Variants in TTC7B observed in about 807,000 individuals in gnomAD.
TTC7B encodes tetratricopeptide repeat protein 7B.
TTC7B carries 28 observed loss-of-function variants against 106.8 expected under a neutral mutation model. That is an observed-to-expected ratio of 0.26 (90% CI 0.19 to 0.36). The LOEUF (loss-of-function observed/expected upper bound fraction) is 0.36. TTC7B is among the 10% of genes least tolerant of loss of function. The pLI, the probability that TTC7B is intolerant of heterozygous loss-of-function variation, is 1.00. For synonymous variants in TTC7B, 405 were observed against 430.6 expected (o/e 0.94, Z 0.74); for missense variants, 862 against 1,076.4 (o/e 0.80, Z 2.79).
intron 17 of TTC7B, among the ~76,000 whole-genome samples, chr14:90,596,639 G>A (rs371344175): frequency 1.3e-5 from 2 of 152,180 alleles, no homozygotes; most frequent in African/African-American, 4.8e-5. Context: ...CCTACAATAA[G>A]TGAGACTCTC....
chr14:90,737,767 C>T (rs1333007390), intron 4 of TTC7B, among the ~76,000 whole-genome samples: 1 of 152,032 alleles, frequency 6.6e-6, no homozygotes, highest in Non-Finnish European at 1.5e-5. Flanking sequence ...CCATATTGGC[C>T]AGGCTGGTCT....
chr14:90,622,712 G>A (rs1884260838), intron 15 of TTC7B, among the ~76,000 whole-genome samples: 1 of 152,148 alleles, frequency 6.6e-6, no homozygotes, highest in Admixed American at 6.5e-5. Context: ...TAGCCTGGGT[G>A]AAAGAGTGAG....
intron 3 of TTC7B, among the ~76,000 whole-genome samples, chr14:90,749,065 G>A (rs780317398): frequency 1.3e-5 from 2 of 152,136 alleles, no homozygotes; most frequent in Non-Finnish European, 2.9e-5. Flanking sequence ...CTGCTTCACC[G>A]TATTCTCACT....
At chr14:90,737,027 T>C (rs1889561073) in intron 4 of TTC7B, among the ~76,000 whole-genome samples, 1 of 150,778 alleles carries the variant, frequency 6.6e-6, no homozygotes, top group African/African-American at 2.4e-5. Flanking sequence ...AAATAAAATA[T>C]AATTAAAAAG....
At chr14:90,790,618 C>A (rs1891554748) in intron 1 of TTC7B, among the ~76,000 whole-genome samples, 1 of 152,022 alleles carries the variant, frequency 6.6e-6, no homozygotes, top group African/African-American at 2.4e-5. Context: ...CGCCTCCCTG[C>A]CACAGGGACC....
intron 1 of TTC7B, among the ~76,000 whole-genome samples, chr14:90,794,094 G>A (rs887152305): frequency 6.6e-6 from 1 of 151,678 alleles, no homozygotes; most frequent in East Asian, 1.9e-4. Flanking sequence ...GTAGAGACAG[G>A]GTTTCACCAT....
intron 15 of TTC7B, among the ~76,000 whole-genome samples, chr14:90,618,494 G>C (rs151110142): frequency 6.6e-6 from 1 of 152,160 alleles, no homozygotes; most frequent in African/African-American, 2.4e-5. Flanking sequence ...TGTGAGCTTC[G>C]AAAGCCTGAA....
chr14:90,557,291 G>A (rs1345212712), intron 19 of TTC7B, among the ~76,000 whole-genome samples: 1 of 152,202 alleles, frequency 6.6e-6, no homozygotes, highest in African/African-American at 2.4e-5. Context: ...CCCCCTGCAG[G>A]AGAGCAGGGC....
rs55829726 is a variant in TTC7B, at chr14:90,803,810, T to TCA, written c.121+12363_121+12364dup. Among the ~76,000 whole-genome samples the TCA allele has an allele frequency of 5.6e-3, 840 of 150,096 alleles. 7 individuals are homozygous for TCA. Among genetic ancestry groups the TCA allele is most frequent in the South Asian group, 0.017 (79 of 4,714 alleles). On this transcript the variant is annotated intron_variant, in intron 1 of 19. Coordinates refer to ENST00000328459, the MANE Select transcript of TTC7B (RefSeq NM_001010854.2). ...CTGGCAGAAGAGATGAGTACGCTGG[T>TCA]CACACACACACACACACACACACAC...
chr14:90,648,026 A>G (rs1885542513), intron 13 of TTC7B, among the ~76,000 whole-genome samples: 1 of 152,202 alleles, frequency 6.6e-6, no homozygotes, highest in South Asian at 2.1e-4. Flanking sequence ...ATGGCTTTCT[A>G]CAATAATAAG....
rs551789702 is a variant in TTC7B at position 90,711,712 on chromosome 14, G to A, written c.699-16134C>T. Among the ~76,000 whole-genome samples the A allele has an allele frequency of 2.0e-5, 3 of 152,296 alleles. No individual in the cohort carries two copies. The East Asian group carries it at 5.8e-4, about 29-fold the overall frequency. On this transcript the variant is annotated intron_variant, in intron 5 of 19. Coordinates refer to ENST00000328459, the MANE Select transcript of TTC7B (RefSeq NM_001010854.2). ...GCTGGGATTACAGGCGTGAGCCACT[G>A]TGCCCAGCTGAAAACAGAAAATTTT...
chr14:90,688,452 G>A (rs1268840538), intron 7 of TTC7B, among the ~76,000 whole-genome samples: 5 of 151,870 alleles, frequency 3.3e-5, no homozygotes, highest in African/African-American at 9.7e-5. Context: ...GTAAAACCCC[G>A]TCTCTACTAA....
intron 9 of TTC7B, among the ~76,000 whole-genome samples, chr14:90,672,761 G>A (rs1886680451): frequency 1.3e-5 from 2 of 152,062 alleles, no homozygotes; most frequent in Non-Finnish European, 2.9e-5. Flanking sequence ...TTTCTTGAAG[G>A]CAAAAGATCT....
chr14:90,538,288 ACGGACGGACGGG>A lies in TTC7B; in HGVS notation c.*3068_*3079del, dbSNP rs796232255. 6.6e-6 allele frequency: 1 copy of A among 151,904 alleles called. No individual in the cohort carries two copies. Among genetic ancestry groups the A allele is most frequent in the African/African-American group, 2.4e-5 (1 of 41,362 alleles). The allele number at this position is 151,904 out of a possible 1,614,324, so 9.4% of individuals were successfully genotyped here. A position where few individuals can be genotyped will look rare whatever the true frequency, so the allele number is the denominator to read the frequency against. On this transcript the variant is annotated 3_prime_UTR_variant, in exon 20 of 20. Coordinates refer to ENST00000328459, the MANE Select transcript of TTC7B (RefSeq NM_001010854.2). ...GATGGATGGATGGATGGATGGACGG[ACGGACGGACGGG>A]TGGACGGATGAATGGATGGATGGAT... is the stretch of plus-strand genomic sequence containing the variant.
At chr14:90,675,432 T>A (rs909793009) in intron 9 of TTC7B, among the ~76,000 whole-genome samples, 2 of 152,144 alleles carry the variant, frequency 1.3e-5, no homozygotes, top group Non-Finnish European at 2.9e-5. Flanking sequence ...GTTCGATCCA[T>A]TTAGTGATGA....
intron 15 of TTC7B, among the ~76,000 whole-genome samples, chr14:90,623,567 C>T (rs1884305004): frequency 6.6e-6 from 1 of 152,230 alleles, no homozygotes; most frequent in South Asian, 2.1e-4. Context: ...AAAAAATTTA[C>T]AATCCAATTG....
chr14:90,691,600 A>C (rs1887478799), intron 6 of TTC7B, among the ~76,000 whole-genome samples: 1 of 152,244 alleles, frequency 6.6e-6, no homozygotes. Flanking sequence ...GGATCAAAGG[A>C]GAGAAAGGTG....
At chr14:90,739,090 G>C (rs1889659935) in intron 4 of TTC7B, among the ~76,000 whole-genome samples, 1 of 152,168 alleles carries the variant, frequency 6.6e-6, no homozygotes, top group Non-Finnish European at 1.5e-5. Flanking sequence ...GCTCTTGCCT[G>C]GTATCCAGAC....
intron 7 of TTC7B, among the ~76,000 whole-genome samples, chr14:90,685,215 C>A (rs930697962): frequency 6.6e-6 from 1 of 152,182 alleles, no homozygotes; most frequent in Non-Finnish European, 1.5e-5. Flanking sequence ...ACTTATTATA[C>A]TTCTCATAAG....
Sources: allele counts gnomAD v4.1 joint callset (sites outside exome capture counted in the v4.1 genomes callset), GRCh38; gene constraint gnomAD v4.1.1; transcripts MANE v1.5; gene names NCBI Gene and HGNC (gene_info 2026-07-23, HGNC 2026-07-21).